CAPZB: variants seen among roughly 807,000 people sequenced by gnomAD.
CAPZB encodes capping actin protein of muscle Z-line subunit beta, also known as F-actin-capping protein subunit beta.
In CAPZB, 2 loss-of-function variants were observed where a neutral mutation model predicts 38.1. That is an observed-to-expected ratio of 0.05 (90% CI 0.02 to 0.17). The LOEUF (loss-of-function observed/expected upper bound fraction) is 0.17, where lower values mean the gene tolerates loss of function less well. Among genes scored for constraint, CAPZB ranks in the 10% least tolerant of loss-of-function variants. The pLI, the probability that CAPZB is intolerant of heterozygous loss-of-function variation, is 1.00. For synonymous variants in CAPZB, 107 were observed against 127.4 expected, an observed-to-expected ratio of 0.84 and a Z score of 1.08; for missense variants, 161 against 334.2, an observed-to-expected ratio of 0.48 and a Z score of 4.04.
chr1:19,410,671 T>C (rs538151508), intron 2 of CAPZB, among the ~76,000 whole-genome samples: 1 of 152,344 alleles, frequency 6.6e-6, no homozygotes, highest in Non-Finnish European at 1.5e-5. Context: ...TTCAAGTCCT[T>C]TTCCCTTAGG....
At chr1:19,384,434 AT>A (rs1255399850) in intron 3 of CAPZB, among the ~76,000 whole-genome samples, 1 of 151,960 alleles carries the variant, frequency 6.6e-6, no homozygotes, top group Non-Finnish European at 1.5e-5. Context: ...TGTCCTCTTT[AT>A]TTTCTTCAGG....
intron 1 of CAPZB, among the ~76,000 whole-genome samples, chr1:19,455,228 G>A (rs923416141): frequency 2.0e-5 from 3 of 152,206 alleles, no homozygotes; most frequent in Non-Finnish European, 4.4e-5. Context: ...AATATGAAAG[G>A]CCTGGCTGTG....
At chr1:19,391,070 A>C (rs2094231463) in intron 2 of CAPZB, among the ~76,000 whole-genome samples, 1 of 88,900 alleles carries the variant, frequency 1.1e-5, no homozygotes, top group South Asian at 2.9e-4. Context: ...CAAACTGAAC[A>C]CTTTTTTTTT....
intron 3 of CAPZB, among the ~76,000 whole-genome samples, chr1:19,382,904 C>T (rs1020906400): frequency 1.3e-5 from 2 of 152,166 alleles, no homozygotes; most frequent in African/African-American, 4.8e-5. Flanking sequence ...GAATACTTCT[C>T]CCTGCCTGCT....
intron 1 of CAPZB, among the ~76,000 whole-genome samples, chr1:19,430,147 C>T (rs2094437358): frequency 6.6e-6 from 1 of 152,332 alleles, no homozygotes; most frequent in African/African-American, 2.4e-5. Context: ...AACCAGACAA[C>T]TGTGGCAGCA....
intron 2 of CAPZB, among the ~76,000 whole-genome samples, chr1:19,390,825 C>T (rs567259871): frequency 6.6e-6 from 1 of 152,204 alleles, no homozygotes; most frequent in African/African-American, 2.4e-5. Context: ...ACCAGGTGAT[C>T]GTAATAGCCC....
At chr1:19,341,259 A>G (rs769353824) in intron 8 of CAPZB, among the ~76,000 whole-genome samples, 1 of 152,162 alleles carries the variant, frequency 6.6e-6, no homozygotes, top group Non-Finnish European at 1.5e-5. Flanking sequence ...CACGGCCCCC[A>G]GGCTCCAAAT....
chr1:19,444,680 G>A (rs1343202324), intron 1 of CAPZB, among the ~76,000 whole-genome samples: 2 of 152,194 alleles, frequency 1.3e-5, no homozygotes, highest in South Asian at 2.1e-4. Context: ...CTGAAATTCA[G>A]AGAGGTGATC....
chr1:19,371,962 G>T (rs2094121588), intron 4 of CAPZB, among the ~76,000 whole-genome samples: 1 of 152,244 alleles, frequency 6.6e-6, no homozygotes, highest in African/African-American at 2.4e-5. Context: ...CAGGTGCTGG[G>T]GAGCCCAGGC....
chr1:19,445,958 C>T (rs2094494436), intron 1 of CAPZB, among the ~76,000 whole-genome samples: 1 of 152,204 alleles, frequency 6.6e-6, no homozygotes, highest in South Asian at 2.1e-4. Context: ...TTATGCTCTG[C>T]CCTCAAGAGC....
chr1:19,424,623 A>C (rs1216266277), intron 1 of CAPZB: 1 of 152,372 alleles, frequency 6.6e-6, no homozygotes, highest in Non-Finnish European at 1.5e-5. Flanking sequence ...GCAAGTAAAG[A>C]GAGGGCTTAG....
At chr1:19,455,709 G>T (rs2094530970) in intron 1 of CAPZB, among the ~76,000 whole-genome samples, 1 of 152,166 alleles carries the variant, frequency 6.6e-6, no homozygotes, top group Admixed American at 6.5e-5. Context: ...GATTGGCCCT[G>T]ACGCCAATTG....
At chr1:19,476,250 AC>A (rs2094606753) in intron 1 of CAPZB, among the ~76,000 whole-genome samples, 1 of 151,946 alleles carries the variant, frequency 6.6e-6, no homozygotes, top group African/African-American at 2.4e-5. Flanking sequence ...GCACTGTGGC[AC>A]ATGCCTGTTA....
At chr1:19,466,908 G>T (rs4912002) in intron 1 of CAPZB, among the ~76,000 whole-genome samples, 36,722 of 151,730 alleles carry the variant, frequency 0.24, 4,510 homozygotes, top group East Asian at 0.39. Flanking sequence ...AAAGTTTTTT[G>T]TTTTTGTTTT....
intron 2 of CAPZB, among the ~76,000 whole-genome samples, chr1:19,413,684 T>C (rs1220223396): frequency 1.3e-5 from 2 of 152,150 alleles, no homozygotes; most frequent in African/African-American, 4.8e-5. Context: ...CGAAAAATGC[T>C]GGTCTGAGAT....
At chr1:19,415,303 G>T (rs943146593) in intron 2 of CAPZB, among the ~76,000 whole-genome samples, 1 of 152,220 alleles carries the variant, frequency 6.6e-6, no homozygotes, top group Non-Finnish European at 1.5e-5. Flanking sequence ...CAGTGCATTA[G>T]CTACTTTCAA....
chr1:19,412,772 A>T, intron 2 of CAPZB, among the ~76,000 whole-genome samples: 1 of 152,194 alleles, frequency 6.6e-6, no homozygotes, highest in East Asian at 1.9e-4. Context: ...GGTGGCGAGC[A>T]ATGGCTTGCA....
chr1:19,464,936 G>C (rs1280027627), intron 1 of CAPZB, among the ~76,000 whole-genome samples: 1 of 152,178 alleles, frequency 6.6e-6, no homozygotes, highest in Non-Finnish European at 1.5e-5. Context: ...GGACTTTTTA[G>C]GGTGAGGAAA....
intron 1 of CAPZB, among the ~76,000 whole-genome samples, chr1:19,436,607 A>G (rs2094458870): frequency 6.6e-6 from 1 of 152,220 alleles, no homozygotes; most frequent in Non-Finnish European, 1.5e-5. Flanking sequence ...CAAAGCATAT[A>G]GGGTTCGATA....
Sources: allele counts gnomAD v4.1 joint callset (sites outside exome capture counted in the v4.1 genomes callset), GRCh38; gene constraint gnomAD v4.1.1; transcripts MANE v1.5; gene names NCBI Gene and HGNC (gene_info 2026-07-23, HGNC 2026-07-21).